The following TAFA1 variants were observed in gnomAD, a reference collection of about 807,000 sequenced individuals.
TAFA1 encodes the protein TAFA chemokine like family member 1, also known as chemokine-like protein TAFA-1.
TAFA1 carries 4 observed loss-of-function variants against 18.5 expected under a neutral mutation model. That is an observed-to-expected ratio of 0.22 (90% CI 0.11 to 0.49). The LOEUF (loss-of-function observed/expected upper bound fraction) is 0.49, where lower values mean the gene tolerates loss of function less well. Ranked by LOEUF, TAFA1 falls within the 20% of genes least tolerant of loss-of-function variation. The pLI is 0.98. For missense variants in TAFA1, 147 were observed against 169.0 expected (o/e 0.87, Z 0.72); for synonymous variants, 56 against 55.2 (o/e 1.01, Z -0.06).
At chr3:68,443,857 C>G (rs1167260956) in intron 3 of TAFA1, among the ~76,000 whole-genome samples, 1 of 152,142 alleles carries the variant, frequency 6.6e-6, no homozygotes, top group African/African-American at 2.4e-5. Flanking sequence ...CATGAGTCAT[C>G]TATCCCTCAC....
At chr3:68,503,015 A>G (rs987681200) in intron 3 of TAFA1, among the ~76,000 whole-genome samples, 20 of 152,312 alleles carry the variant, frequency 1.3e-4, no homozygotes, top group African/African-American at 4.6e-4. Flanking sequence ...GGAATGATGT[A>G]TAGCCCAAGT....
intron 3 of TAFA1, among the ~76,000 whole-genome samples, chr3:68,486,094 T>A (rs1384158007): frequency 1.8e-5 from 1 of 56,620 alleles, no homozygotes; most frequent in East Asian, 4.8e-4. Context: ...TTTATTTTAT[T>A]TTATTTTGTT....
intron 2 of TAFA1, among the ~76,000 whole-genome samples, chr3:68,370,124 T>C (rs929366403): frequency 6.8e-5 from 10 of 147,898 alleles, no homozygotes; most frequent in Non-Finnish European, 1.2e-4. Flanking sequence ...CCGTCTCTAA[T>C]AAAAATACAA....
intron 3 of TAFA1, among the ~76,000 whole-genome samples, chr3:68,437,626 A>C (rs753800599): frequency 7.9e-5 from 12 of 152,072 alleles, no homozygotes; most frequent in Non-Finnish European, 1.3e-4. Context: ...ACTCTCATGA[A>C]AACCCATGAA....
chr3:68,280,963 G>T (rs928529731), intron 2 of TAFA1, among the ~76,000 whole-genome samples: 6 of 151,952 alleles, frequency 3.9e-5, no homozygotes. Flanking sequence ...ATTTTAAAAA[G>T]TGTTTTAGAG....
intron 2 of TAFA1, among the ~76,000 whole-genome samples, chr3:68,109,933 T>G (rs1472814388): frequency 2.0e-5 from 3 of 152,182 alleles, no homozygotes; most frequent in Non-Finnish European, 4.4e-5. Flanking sequence ...ATATGATTCA[T>G]GTGATTATGT....
At chr3:68,394,267 G>T (rs552948645) in intron 2 of TAFA1, among the ~76,000 whole-genome samples, 2 of 152,192 alleles carry the variant, frequency 1.3e-5, no homozygotes, top group African/African-American at 4.8e-5. Context: ...CTTCTTCAGG[G>T]AGAACTACAA....
chr3:68,438,018 A>G (rs2071295825), intron 3 of TAFA1, among the ~76,000 whole-genome samples: 1 of 152,104 alleles, frequency 6.6e-6, no homozygotes, highest in African/African-American at 2.4e-5. Flanking sequence ...GAAAGGAGTA[A>G]CAGGCCCCAA....
In TAFA1 at chr3:68,090,309, C is replaced by T. The variant is rs114268701; in HGVS notation, c.118+83565C>T. ...TGTACAAAATAATATAGCGAGATCACGTGTACCCTTTACTCAGTTTCCTCT... is the reference window on the plus strand; with the variant it reads ...TGTACAAAATAATATAGCGAGATCATGTGTACCCTTTACTCAGTTTCCTCT... On this transcript the variant is annotated intron_variant, in intron 2 of 4. Coordinates refer to ENST00000478136, the MANE Select transcript of TAFA1 (RefSeq NM_213609.4). 6.9e-3 allele frequency among the ~76,000 whole-genome samples: 1,044 copies of T among 152,246 alleles called. 11 individuals carry two copies. The highest frequency in any genetic ancestry group is 0.024 in the African/African-American group (998 of 41,546).
chr3:68,171,950 G>A (rs1027967002), intron 2 of TAFA1, among the ~76,000 whole-genome samples: 1 of 152,108 alleles, frequency 6.6e-6, no homozygotes, highest in Non-Finnish European at 1.5e-5. Context: ...AAAAATGTGT[G>A]TGTTTAAACC....
intron 2 of TAFA1, among the ~76,000 whole-genome samples, chr3:68,206,002 T>A (rs1018730974): frequency 6.6e-6 from 1 of 151,890 alleles, no homozygotes; most frequent in African/African-American, 2.4e-5. Context: ...AGATATAACC[T>A]AAAATTCCTT....
the TAFA1 span, among the ~76,000 whole-genome samples, chr3:67,997,421 A>G: frequency 6.6e-6 from 1 of 152,182 alleles, no homozygotes; most frequent in Non-Finnish European, 1.5e-5. Flanking sequence ...AGAGTTCATT[A>G]TCTCATTCCT....
At chr3:68,191,016 G>A (rs4459906) in intron 2 of TAFA1, among the ~76,000 whole-genome samples, 103,911 of 151,618 alleles carry the variant, frequency 0.69, 35,910 homozygotes, top group South Asian at 0.78. Context: ...ACTCATCTGC[G>A]TAGCTTGTGA....
intron 2 of TAFA1, among the ~76,000 whole-genome samples, chr3:68,019,859 C>T (rs1037295494): frequency 1.3e-5 from 2 of 152,208 alleles, no homozygotes; most frequent in African/African-American, 4.8e-5. Flanking sequence ...ACAGCCCATT[C>T]TTCCTATGAT....
intron 2 of TAFA1, among the ~76,000 whole-genome samples, chr3:68,099,654 C>G (rs1311884985): frequency 2.0e-5 from 3 of 151,962 alleles, no homozygotes; most frequent in Non-Finnish European, 4.4e-5. Context: ...AGGTATAGAC[C>G]CAAAGGAAGA....
chr3:68,148,680 GCCTC>G (rs1420363775), intron 2 of TAFA1, among the ~76,000 whole-genome samples: 2 of 152,172 alleles, frequency 1.3e-5, no homozygotes, highest in Admixed American at 6.5e-5. Flanking sequence ...TTCCAAAGCA[GCCTC>G]CTGATTCATC....
At chr3:68,048,546 T>C (rs2064423086) in intron 2 of TAFA1, among the ~76,000 whole-genome samples, 1 of 152,080 alleles carries the variant, frequency 6.6e-6, no homozygotes, top group Non-Finnish European at 1.5e-5. Flanking sequence ...CTAGATCTTA[T>C]TCATTCTCCC....
intron 2 of TAFA1, among the ~76,000 whole-genome samples, chr3:68,032,416 C>T (rs1353474953): frequency 6.6e-6 from 1 of 152,164 alleles, no homozygotes; most frequent in Non-Finnish European, 1.5e-5. Context: ...TCACCCAGAG[C>T]TCATTTCAAC....
At chr3:68,442,452 G>A (rs1222008078) in intron 3 of TAFA1, among the ~76,000 whole-genome samples, 1 of 152,116 alleles carries the variant, frequency 6.6e-6, no homozygotes, top group Non-Finnish European at 1.5e-5. Context: ...GCACTCATGT[G>A]ACTCAGTCAT....
Sources: gnomAD v4.1 joint callset for allele counts (sites outside exome capture counted in the v4.1 genomes callset) on GRCh38, gnomAD v4.1.1 for gene constraint, MANE v1.5 for transcripts, NCBI Gene and HGNC (gene_info 2026-07-23, HGNC 2026-07-21) for gene names.